The following TUBA1B variants were observed in gnomAD, a reference collection of about 807,000 sequenced individuals.
TUBA1B encodes tubulin alpha 1b.
Under a neutral mutation model 34.4 loss-of-function variants are expected in TUBA1B, and 1 was observed. The ratio of observed to expected loss-of-function variants is 0.03; its 90% CI spans 0.01 to 0.14. The LOEUF is 0.14. Ranked by LOEUF, TUBA1B falls within the 10% of genes least tolerant of loss-of-function variation. The pLI is 1.00. For missense variants in TUBA1B, 54 were observed against 583.6 expected (o/e 0.09, Z 9.35); for synonymous variants, 197 against 212.5 (o/e 0.93, Z 0.64).
rs557045705 is a variant in TUBA1B, at chr12:49,130,512, C to A, written c.3+786G>T. ...TAACACCTCCACAGCAGTCTGAGCG[C>A]AGTAGGAGATTATCGGCGGCCCAGA... On this transcript the variant is annotated intron_variant, in intron 1 of 3. Coordinates refer to ENST00000336023, the MANE Select transcript of TUBA1B (RefSeq NM_006082.3). 7.4e-6 allele frequency: 3 copies of A among 405,748 alleles called. No individual in the cohort carries two copies. In the East Asian group the frequency reaches 2.2e-4, roughly 30 times the overall value. 25.1% of individuals were successfully genotyped at this position (405,748 alleles called of 1,614,324 possible).
chr12:49,127,797 C>G lies in TUBA1B; in HGVS notation c.*161G>C. The G allele has an allele frequency of 8.5e-7, 1 of 1,181,428 alleles. No homozygotes were observed. The highest frequency in any genetic ancestry group is 1.2e-6 in the Non-Finnish European group (1 of 842,988). 73.2% of individuals were successfully genotyped at this position (1,181,428 alleles called of 1,614,324 possible). On this transcript the variant is annotated 3_prime_UTR_variant, in exon 4 of 4. Coordinates refer to ENST00000336023, the MANE Select transcript of TUBA1B (RefSeq NM_006082.3). ...GAAACAAAGCTTTTGATGTTAATGA[C>G]TTTACTTTGAGATATGATGGAAAAA...
rs1450265485 is a variant in TUBA1B at position 49,131,382 on chromosome 12, G to A, written c.-82C>T. 11 of 1,549,722 alleles carry A rather than the reference G, an allele frequency of 7.1e-6. No homozygotes were observed. Among genetic ancestry groups the A allele is most frequent in the South Asian group, 3.4e-5 (3 of 87,124 alleles). ...CGTCCCCGACAAGCTAAGAGTCGAG[G>A]TAAGTAACGCACTAGGGCGGGGCCG... On this transcript the variant is annotated 5_prime_UTR_variant, in exon 1 of 4. Coordinates refer to ENST00000336023, the MANE Select transcript of TUBA1B (RefSeq NM_006082.3).
Position 49,131,367 on chromosome 12 carries a change from AAGCTAAG to A in TUBA1B, c.-74_-68del. 2 of 1,589,034 alleles carry A rather than the reference AAGCTAAG, an allele frequency of 1.3e-6. No individual in the cohort carries two copies. Among genetic ancestry groups the A allele is most frequent in the Non-Finnish European group, 1.7e-6 (2 of 1,163,776 alleles). On this transcript the variant is annotated 5_prime_UTR_variant, in exon 1 of 4. Coordinates refer to ENST00000336023, the MANE Select transcript of TUBA1B (RefSeq NM_006082.3). Reference sequence around the variant, plus strand: ...CCGGGTCCCGGTTACCGTCCCCGACAAGCTAAGAGTCGAGGTAAGTAACGCACTAGGG... The same window carrying A: ...CCGGGTCCCGGTTACCGTCCCCGACAAGTCGAGGTAAGTAACGCACTAGGG...
chr12:49,131,378 C>T lies in TUBA1B; in HGVS notation c.-78G>A. 11 of 1,565,290 alleles carry T rather than the reference C, an allele frequency of 7.0e-6. No homozygotes were observed. Among genetic ancestry groups the T allele is most frequent in the South Asian group, 1.1e-5 (1 of 87,432 alleles). On this transcript the variant is annotated 5_prime_UTR_variant, in exon 1 of 4. Coordinates refer to ENST00000336023, the MANE Select transcript of TUBA1B (RefSeq NM_006082.3). Reference sequence around the variant, plus strand: ...TTACCGTCCCCGACAAGCTAAGAGTCGAGGTAAGTAACGCACTAGGGCGGG... The same window carrying T: ...TTACCGTCCCCGACAAGCTAAGAGTTGAGGTAAGTAACGCACTAGGGCGGG...
chr12:49,131,138 G>A (rs1309765520), intron 1 of TUBA1B, 160 bp downstream of exon 1: 26 of 818,108 alleles, frequency 3.2e-5, no homozygotes, highest in Non-Finnish European at 1.9e-6. Context: ...ACACACCGAG[G>A]TCTCACCACT....
At chr12:49,131,264 C>T in intron 1 of TUBA1B, 34 bp downstream of exon 1, 1 of 1,602,626 alleles carries the variant, frequency 6.2e-7, no homozygotes, top group Non-Finnish European at 8.5e-7. Flanking sequence ...CCCTGCTTCC[C>T]TGAAAGCAGC....
At chr12:49,130,379 G>A in intron 1 of TUBA1B, 1 of 1,285,742 alleles carries the variant, frequency 7.8e-7, no homozygotes, top group South Asian at 1.2e-5. Context: ...TTCCGGGCGC[G>A]CGCTCTTGCG....
In TUBA1B at chr12:49,128,978, A is replaced by G. The variant is rs568010635; in HGVS notation, c.376-40T>C. The G allele has an allele frequency of 6.4e-7, 1 of 1,559,714 alleles. No homozygotes were observed. ...AAAAATGTAATATTTTAATGCCAGG[A>G]CACATTATCTTAGAATTTCTATTTC... On this transcript the variant is annotated intron_variant, in intron 3 of 3. Coordinates refer to ENST00000336023, the MANE Select transcript of TUBA1B (RefSeq NM_006082.3). The surrounding 1 kb of genome is among the most constrained non-coding windows in gnomAD (Gnocchi z 8.1).
rs1427246565 is a variant in TUBA1B, at chr12:49,128,539, G to A, written c.775C>T (p.Leu259=). 3 of 1,613,620 alleles carry A rather than the reference G, an allele frequency of 1.9e-6. No individual in the cohort carries two copies. Among genetic ancestry groups the A allele is most frequent in the African/African-American group, 2.7e-5 (2 of 74,804 alleles). Residue 259 remains leucine, a synonymous_variant, in exon 4 of 4, where the codon CTG becomes TTG. Coordinates refer to ENST00000336023, the MANE Select transcript of TUBA1B (RefSeq NM_006082.3). The surrounding 1 kb of genome is among the most constrained non-coding windows in gnomAD (Gnocchi z 8.1). ...AAGTGGATGCGGGGGTAGGGCACCA[G>A]GTTGGTCTGGAATTCTGTCAGGTCA... is the stretch of plus-strand genomic sequence containing the variant. ...NVDLTEFQTN[L]VPYPRIHFPL...
In TUBA1B at chr12:49,130,211, T is replaced by C. The variant is rs145402517; in HGVS notation, c.4-489A>G. The C allele has an allele frequency of 1.7e-3, 2,154 of 1,274,778 alleles. 3 individuals carry two copies. The highest frequency in any genetic ancestry group is 4.5e-3 in the Middle Eastern group (21 of 4,628). The allele number at this position is 1,274,778 out of a possible 1,614,324, so 79.0% of individuals were successfully genotyped here. On this transcript the variant is annotated intron_variant, in intron 1 of 3. Transcript: ENST00000336023. ...GAGGACCAAGACAGGAAGGTGGGCA[T>C]CCATCCAGCGCTCAGGCCCCAGAAG...
chr12:49,129,004 A>C (rs1941771723), intron 3 of TUBA1B, 66 bp from the exon 4 acceptor site: 3 of 1,528,352 alleles, frequency 2.0e-6, no homozygotes, highest in Non-Finnish European at 2.6e-6. Context: ...TTTCTATTTC[A>C]ACTTTTTAGA....
chr12:49,128,756 G>A lies in TUBA1B; in HGVS notation c.558C>T (p.Asn186=), dbSNP rs1592245752. ...QVSTAVVEPY[N]SILTTHTTLE... The stretch of plus-strand genomic sequence containing the variant: ...GGGTGGTGTGGGTGGTGAGGATGGA[G>A]TTGTAGGGCTCAACTACAGCTGTGG... The change falls in exon 4 of 4, where the codon AAC becomes AAT. Residue 186 remains asparagine (N), a synonymous_variant. Coordinates refer to ENST00000336023, the MANE Select transcript of TUBA1B (RefSeq NM_006082.3). This position sits in a 1 kb window ranked among gnomAD's most constrained non-coding sequence, Gnocchi z 8.1. The A allele has an allele frequency of 6.8e-6, 11 of 1,612,784 alleles. No individual in the cohort carries two copies. Among genetic ancestry groups the A allele is most frequent in the Non-Finnish European group, 9.3e-6 (11 of 1,179,602 alleles).
At chr12:49,129,436 G>A in intron 2 of TUBA1B, 46 bp from the exon 3 acceptor site, 2 of 1,613,898 alleles carry the variant, frequency 1.2e-6, no homozygotes, top group Non-Finnish European at 1.7e-6. Flanking sequence ...AGTGACAAGA[G>A]AAGCCCCTGG....
chr12:49,129,004 A>T (rs1941771723), intron 3 of TUBA1B, 66 bp from the exon 4 acceptor site: 1 of 1,528,270 alleles, frequency 6.5e-7, no homozygotes, highest in Admixed American at 2.2e-5. Flanking sequence ...TTTCTATTTC[A>T]ACTTTTTAGA....
chr12:49,130,339 G>T (rs1261631485), intron 1 of TUBA1B: 5 of 1,289,232 alleles, frequency 3.9e-6, no homozygotes, highest in Non-Finnish European at 5.1e-6. Context: ...GACAAGGGGC[G>T]GGGCTCTGCG....
At chr12:49,130,995 C>G (rs950728383) in intron 1 of TUBA1B, 4 of 355,238 alleles carry the variant, frequency 1.1e-5, no homozygotes, top group Non-Finnish European at 2.2e-5. Context: ...CTCGAGGGAC[C>G]GCACCCAGGA....
At chr12:49,129,856 C>T in intron 1 of TUBA1B, 134 bp from the exon 2 acceptor site, 1 of 1,407,818 alleles carries the variant, frequency 7.1e-7, no homozygotes, top group Non-Finnish European at 9.6e-7. Flanking sequence ...GTGATGCCAT[C>T]TAGGCTCACT....
chr12:49,131,159 CCT>C, intron 1 of TUBA1B, 137 bp downstream of exon 1: 1 of 1,106,428 alleles, frequency 9.0e-7, no homozygotes, highest in Non-Finnish European at 1.3e-6. Flanking sequence ...CCCGCCCTGG[CCT>C]CTCGCCTCGT....
chr12:49,131,153 C>G, intron 1 of TUBA1B, 145 bp downstream of exon 1: 1 of 1,037,462 alleles, frequency 9.6e-7, no homozygotes, highest in Non-Finnish European at 1.4e-6. Context: ...ACCACTCCCG[C>G]CCTGGCCTCT....
Sources: gnomAD v4.1 joint callset for allele counts on GRCh38, gnomAD v4.1.1 for gene constraint, Gnocchi (gnomAD v3.1) non-coding constraint, MANE v1.5 for transcripts, NCBI Gene and HGNC (gene_info 2026-07-23, HGNC 2026-07-21) for gene names.